CNTNAP3B: variants seen among roughly 807,000 people sequenced by gnomAD.
CNTNAP3B encodes the protein contactin-associated protein-like 3B.
CNTNAP3B carries 25 observed loss-of-function variants against 108.9 expected under a neutral mutation model. The observed-to-expected ratio is 0.23, with a 90% CI of 0.17 to 0.32. The LOEUF is 0.32. Among genes scored for constraint, CNTNAP3B ranks in the 10% least tolerant of loss-of-function variants. CNTNAP3B has a pLI of 1.00. For synonymous variants in CNTNAP3B, 103 were observed against 473.4 expected, an observed-to-expected ratio of 0.22 and a Z score of 10.16; for missense variants, 252 against 1,210.4, an observed-to-expected ratio of 0.21 and a Z score of 11.75.
At chr9:41,979,669 T>TATA (rs1300554834) in intron 9 of CNTNAP3B, 5 of 29,806 alleles carry the variant, frequency 1.7e-4, no homozygotes, top group Admixed American at 1.0e-3. Flanking sequence ...ATATATATAT[T>TATA]TTTTTTTTCA....
intron 15 of CNTNAP3B, among the ~76,000 whole-genome samples, chr9:41,926,261 C>T (rs1237997945): frequency 6.6e-6 from 1 of 152,076 alleles, no homozygotes; most frequent in Non-Finnish European, 1.5e-5. Context: ...TGGAACCTAG[C>T]TTCTAACCCA....
intron 11 of CNTNAP3B, among the ~76,000 whole-genome samples, chr9:41,961,111 A>G (rs1244975590): frequency 6.6e-6 from 1 of 152,310 alleles, no homozygotes. Flanking sequence ...ACCTAGTCAA[A>G]ATACATTCAA....
rs1186980537 is a variant in CNTNAP3B, at chr9:42,076,427, TAAAA to T, written c.390+438_390+441del. Among the ~76,000 whole-genome samples the T allele has an allele frequency of 2.9e-5, 3 of 104,244 alleles. 1 individual carries two copies. The highest frequency in any genetic ancestry group is 9.9e-5 in the Admixed American group (1 of 10,134). 68.4% of individuals were successfully genotyped at this position (104,244 alleles called of 152,430 possible). ...GGTGATAACAGCGAAACTCTGTCTC[TAAAA>T]AAAAAAAAAAAAAACAAGAAAAACT... On this transcript the variant is annotated intron_variant, in intron 3 of 23. Transcript: ENST00000377561.
intron 3 of CNTNAP3B, among the ~76,000 whole-genome samples, chr9:42,064,263 C>T (rs1827227556): frequency 6.7e-6 from 1 of 149,934 alleles, no homozygotes; most frequent in South Asian, 2.1e-4. Context: ...TGTAACAGTT[C>T]TGGAGACTGG....
At chr9:41,925,160 A>G (rs1823779182) in intron 15 of CNTNAP3B, among the ~76,000 whole-genome samples, 1 of 150,550 alleles carries the variant, frequency 6.6e-6, no homozygotes, top group African/African-American at 2.5e-5. Context: ...AACTTTACCC[A>G]GTTTAAAATT....
Position 41,966,945 on chromosome 9 carries a change from C to T in CNTNAP3B, c.1650-2301G>A, listed in dbSNP as rs1310827536. 1.1e-4 allele frequency among the ~76,000 whole-genome samples: 17 copies of T among 150,340 alleles called. No homozygotes were observed. The South Asian group carries it at 1.5e-3, about 13-fold the overall frequency. The stretch of plus-strand genomic sequence containing the variant: ...TCGTGCCACTGCACTCCAGCCTGGG[C>T]GATAGAGCGAGACTCTGTCTCAAAA... On this transcript the variant is annotated intron_variant, in intron 10 of 23. Coordinates refer to ENST00000377561, the MANE Select transcript of CNTNAP3B (RefSeq NM_001201380.3).
intron 3 of CNTNAP3B, among the ~76,000 whole-genome samples, chr9:42,058,006 C>T (rs1827108915): frequency 7.6e-6 from 1 of 131,888 alleles, no homozygotes; most frequent in Admixed American, 7.6e-5. Context: ...AACATAATGT[C>T]CTCCAGGTTC....
In CNTNAP3B at chr9:42,090,806, T is replaced by C. The variant is rs554975152; in HGVS notation, c.197-13744A>G. Among the ~76,000 whole-genome samples the C allele has an allele frequency of 7.3e-5, 6 of 81,926 alleles. 1 individual carries two copies. The East Asian group carries it at 4.0e-3, about 54-fold the overall frequency. The allele number at this position is 81,926 out of a possible 152,430, so 53.7% of individuals were successfully genotyped here. A position where few individuals can be genotyped will look rare whatever the true frequency, so the allele number is the denominator to read the frequency against. ...GACATATATATACACACACTCACAC[T>C]GACCGTATATATGTATATATTCCTG... On this transcript the variant is annotated intron_variant, in intron 2 of 23. Coordinates refer to ENST00000377561, the MANE Select transcript of CNTNAP3B (RefSeq NM_001201380.3).
intron 15 of CNTNAP3B, among the ~76,000 whole-genome samples, chr9:41,926,236 G>A (rs1354316049): frequency 5.1e-4 from 77 of 152,222 alleles, no homozygotes; most frequent in African/African-American, 1.8e-3. Flanking sequence ...TTACATATTT[G>A]CTCATTCCCC....
At chr9:41,940,633 G>A (rs1479508376) in intron 13 of CNTNAP3B, among the ~76,000 whole-genome samples, 20 of 152,334 alleles carry the variant, frequency 1.3e-4, no homozygotes, top group East Asian at 5.8e-4. Context: ...TGGCTAACAC[G>A]GTGAAACCCC....
rs1443623017 is a variant in CNTNAP3B at position 42,034,786 on chromosome 9, C to CATCCAAGGAG, written c.391-21262_391-21261insCTCCTTGGAT. Among the ~76,000 whole-genome samples, 22 of 88,880 alleles carry CATCCAAGGAG rather than the reference C, an allele frequency of 2.5e-4. 6 individuals are homozygous for CATCCAAGGAG. Among genetic ancestry groups the CATCCAAGGAG allele is most frequent in the Non-Finnish European group, 5.1e-4 (22 of 43,202 alleles). 58.3% of individuals were successfully genotyped at this position (88,880 alleles called of 152,430 possible). A position where few individuals can be genotyped will look rare whatever the true frequency, so the allele number is the denominator to read the frequency against. On this transcript the variant is annotated intron_variant, in intron 3 of 23. Coordinates refer to ENST00000377561, the MANE Select transcript of CNTNAP3B (RefSeq NM_001201380.3). ...GTCCCTTCAAGCCCCCATCCATTCA[C>CATCCAAGGAG]TCTACATCATGACTCCTTTTATAAC...
chr9:41,933,812 T>C (rs1162143209), intron 14 of CNTNAP3B, among the ~76,000 whole-genome samples: 6 of 152,272 alleles, frequency 3.9e-5, no homozygotes, highest in African/African-American at 1.2e-4. Context: ...TTAAAAGTTA[T>C]ATATTCATTA....
At chr9:41,939,727 A>C (rs1200170342) in intron 13 of CNTNAP3B, among the ~76,000 whole-genome samples, 1 of 152,288 alleles carries the variant, frequency 6.6e-6, no homozygotes, top group Non-Finnish European at 1.5e-5. Context: ...ACAAGTGTAA[A>C]TTTACATCTA....
At chr9:42,112,078 C>A (rs1189829251) in intron 1 of CNTNAP3B, among the ~76,000 whole-genome samples, 1 of 139,652 alleles carries the variant, frequency 7.2e-6, no homozygotes, top group Admixed American at 7.1e-5. Flanking sequence ...GAATCCCCTA[C>A]ACATTTCTCA....
intron 3 of CNTNAP3B, among the ~76,000 whole-genome samples, chr9:42,055,159 G>A (rs1469405898): frequency 3.6e-5 from 5 of 138,746 alleles, no homozygotes; most frequent in Non-Finnish European, 7.7e-5. Flanking sequence ...TAATTGAAAA[G>A]CCATACGATT....
At position 42,060,671 on chromosome 9, in the gene CNTNAP3B, GC is replaced by G. The variant is rs1330693884; in HGVS notation, c.390+16197del. ...GGGCCTAGGTCTTTATTTAATTAGA[GC>G]TTTTTACTACTGATTCAATTTTATT... On this transcript the variant is annotated intron_variant, in intron 3 of 23. Coordinates refer to ENST00000377561, the MANE Select transcript of CNTNAP3B (RefSeq NM_001201380.3). 1.5e-5 allele frequency among the ~76,000 whole-genome samples: 2 copies of G among 131,760 alleles called. 1 individual carries two copies. The highest frequency in any genetic ancestry group is 3.2e-5 in the Non-Finnish European group (2 of 62,950). 86.4% of individuals were successfully genotyped at this position (131,760 alleles called of 152,430 possible).
chr9:41,978,075 T>A (rs1476748058), intron 9 of CNTNAP3B, among the ~76,000 whole-genome samples: 6 of 116,312 alleles, frequency 5.2e-5, no homozygotes, highest in African/African-American at 7.1e-5. Flanking sequence ...ATTTACAGAG[T>A]TAAATGACAT....
chr9:42,096,564 A>T (rs949494889), intron 2 of CNTNAP3B, among the ~76,000 whole-genome samples: 3 of 133,032 alleles, frequency 2.3e-5, no homozygotes, highest in African/African-American at 9.1e-5. Context: ...GAAAAATTTC[A>T]GTGAGCTTGG....
At chr9:41,947,435 G>T (rs1050689662) in intron 13 of CNTNAP3B, among the ~76,000 whole-genome samples, 16 of 152,298 alleles carry the variant, frequency 1.1e-4, no homozygotes, top group Admixed American at 2.0e-4. Flanking sequence ...CAAAGAATAT[G>T]CTTCAAAGAA....
Sources: allele counts gnomAD v4.1 joint callset (sites outside exome capture counted in the v4.1 genomes callset), GRCh38; gene constraint gnomAD v4.1.1; transcripts MANE v1.5; gene names NCBI Gene and HGNC (gene_info 2026-07-23, HGNC 2026-07-21).